ITGA9: variants seen among roughly 807,000 people sequenced by gnomAD.
ITGA9 encodes integrin subunit alpha 9, also known as integrin alpha-9.
In ITGA9, 56 loss-of-function variants were observed where a neutral mutation model predicts 127.8. That is an observed-to-expected ratio of 0.44 (90% CI 0.35 to 0.55). The LOEUF is 0.55. ITGA9 is among the 20% of genes least tolerant of loss of function. ITGA9 has a pLI of 0.00. For missense variants in ITGA9, 1,196 were observed against 1,347.1 expected, an observed-to-expected ratio of 0.89 and a Z score of 1.76; for synonymous variants, 508 against 514.5, an observed-to-expected ratio of 0.99 and a Z score of 0.17.
chr3:37,789,605 CA>C (rs71288090), intron 26 of ITGA9, among the ~76,000 whole-genome samples: 96 of 140,706 alleles, frequency 6.8e-4, no homozygotes, highest in South Asian at 9.0e-4. Context: ...TAAAAAATAC[CA>C]AAAAAAAAAA....
intron 16 of ITGA9, among the ~76,000 whole-genome samples, chr3:37,651,140 C>T (rs934180909): frequency 1.2e-4 from 19 of 152,184 alleles, no homozygotes; most frequent in Admixed American, 7.8e-4. Context: ...TATACACACA[C>T]GCACTGTGTG....
chr3:37,641,647 C>T (rs1050917991), intron 16 of ITGA9, among the ~76,000 whole-genome samples: 7 of 152,168 alleles, frequency 4.6e-5, no homozygotes, highest in Admixed American at 2.0e-4. Context: ...AACCTCCTCC[C>T]GCTGAGGAGC....
chr3:37,505,426 A>G (rs532567136), intron 6 of ITGA9, among the ~76,000 whole-genome samples: 4 of 152,360 alleles, frequency 2.6e-5, no homozygotes, highest in African/African-American at 7.2e-5. Flanking sequence ...ATATTACTCA[A>G]TAATAAAAAG....
chr3:37,636,704 G>A (rs1377249305), intron 16 of ITGA9, among the ~76,000 whole-genome samples: 4 of 152,132 alleles, frequency 2.6e-5, no homozygotes, highest in Non-Finnish European at 5.9e-5. Context: ...TGAAGTCCTT[G>A]CCCATGCCTA....
intron 6 of ITGA9, among the ~76,000 whole-genome samples, chr3:37,505,100 TACCC>T (rs1698827188): frequency 6.6e-6 from 1 of 150,588 alleles, no homozygotes; most frequent in Non-Finnish European, 1.5e-5. Context: ...ACCATGCATC[TACCC>T]ACCCACCCAC....
intron 9 of ITGA9, among the ~76,000 whole-genome samples, chr3:37,516,329 A>G (rs1002474520): frequency 6.6e-6 from 1 of 152,124 alleles, no homozygotes; most frequent in Non-Finnish European, 1.5e-5. Context: ...ACTTTGGAGC[A>G]AGGTGGACCT....
At chr3:37,583,393 T>G (rs1699728091) in intron 15 of ITGA9, among the ~76,000 whole-genome samples, 1 of 151,386 alleles carries the variant, frequency 6.6e-6, no homozygotes, top group South Asian at 2.1e-4. Context: ...CATTAGCTAT[T>G]ATTGCTATCA....
chr3:37,536,647 A>T (rs1236848373), intron 14 of ITGA9, among the ~76,000 whole-genome samples: 1 of 152,252 alleles, frequency 6.6e-6, no homozygotes, highest in Non-Finnish European at 1.5e-5. Context: ...GGGAGACCAC[A>T]GTGCCTACTT....
At chr3:37,670,847 G>A (rs1044687797) in intron 17 of ITGA9, among the ~76,000 whole-genome samples, 8 of 152,132 alleles carry the variant, frequency 5.3e-5, no homozygotes, top group African/African-American at 1.9e-4. Flanking sequence ...ATTTATGGCC[G>A]TATTTGGTTC....
At chr3:37,643,816 A>T (rs1454281313) in intron 16 of ITGA9, among the ~76,000 whole-genome samples, 1 of 152,092 alleles carries the variant, frequency 6.6e-6, no homozygotes, top group African/African-American at 2.4e-5. Flanking sequence ...TTGCAGATAG[A>T]TGGGGAGAAG....
rs192054200 is a variant in ITGA9, at chr3:37,638,289, C to T, written c.1839+8953C>T. 1.8e-4 allele frequency among the ~76,000 whole-genome samples: 27 copies of T among 151,836 alleles called. No individual in the cohort carries two copies. In the South Asian group the frequency reaches 2.1e-3, roughly 12 times the overall value. On this transcript the variant is annotated intron_variant, in intron 16 of 27. Coordinates refer to ENST00000264741, the MANE Select transcript of ITGA9 (RefSeq NM_002207.3). ...CCCTGGAGAGGAGGACTCAGTATGG[C>T]GAGGTATGTGGCAGGGGGTTATTAT...
chr3:37,784,060 G>T (rs368011505), intron 25 of ITGA9, among the ~76,000 whole-genome samples: 1 of 152,202 alleles, frequency 6.6e-6, no homozygotes, highest in African/African-American at 2.4e-5. Flanking sequence ...GTAGATGTAG[G>T]TGGGGACACC....
intron 12 of ITGA9, among the ~76,000 whole-genome samples, chr3:37,525,790 A>T (rs561349320): frequency 1.5e-4 from 23 of 152,232 alleles, no homozygotes; most frequent in Admixed American, 1.4e-3. Context: ...CACTCACAGC[A>T]CCTCTCGACT....
intron 9 of ITGA9, 24 bp from the exon 10 acceptor site, chr3:37,517,480 T>C: frequency 6.6e-7 from 1 of 1,517,356 alleles, no homozygotes; most frequent in Non-Finnish European, 9.0e-7. Context: ...TGTTTTCCAT[T>C]TTCTCCTCCA....
intron 17 of ITGA9, among the ~76,000 whole-genome samples, chr3:37,668,273 A>G (rs1453053482): frequency 1.3e-5 from 2 of 152,208 alleles, no homozygotes; most frequent in African/African-American, 4.8e-5. Context: ...CCACGTGCTC[A>G]TAGCGGCCTT....
intron 15 of ITGA9, among the ~76,000 whole-genome samples, chr3:37,544,791 A>G (rs943622071): frequency 1.3e-5 from 2 of 152,226 alleles, no homozygotes; most frequent in Non-Finnish European, 2.9e-5. Context: ...GCGGAGAAAT[A>G]CACCAGATAG....
intron 26 of ITGA9, among the ~76,000 whole-genome samples, chr3:37,795,569 C>T (rs972850026): frequency 3.3e-5 from 5 of 152,066 alleles, no homozygotes; most frequent in Admixed American, 3.3e-4. Context: ...CCTCAAAGGC[C>T]CCCTTGAGAC....
chr3:37,512,065 T>C lies in ITGA9; in HGVS notation c.898-1698T>C, dbSNP rs1170474662. Among the ~76,000 whole-genome samples, 180 of 70,090 alleles carry C rather than the reference T, an allele frequency of 2.6e-3. 5 individuals are homozygous for C. The highest frequency in any genetic ancestry group is 5.9e-3 in the African/African-American group (114 of 19,184). 46.0% of individuals were successfully genotyped at this position (70,090 alleles called of 152,430 possible). A position where few individuals can be genotyped will look rare whatever the true frequency, so the allele number is the denominator to read the frequency against. The stretch of plus-strand genomic sequence containing the variant: ...CTTTCTTTCTTTCTTTCTTTCTTTC[T>C]TTCTTTCTTTCCTTCCTTCCTTCCT... On this transcript the variant is annotated intron_variant, in intron 8 of 27. Transcript: ENST00000264741.
intron 18 of ITGA9, among the ~76,000 whole-genome samples, chr3:37,726,159 C>T (rs1053267206): frequency 6.6e-6 from 1 of 152,202 alleles, no homozygotes; most frequent in African/African-American, 2.4e-5. Context: ...GGATGAAGTG[C>T]TTCCAAAATT....
Sources: gnomAD v4.1 joint callset for allele counts (sites outside exome capture counted in the v4.1 genomes callset) on GRCh38, gnomAD v4.1.1 for gene constraint, MANE v1.5 for transcripts, NCBI Gene and HGNC (gene_info 2026-07-23, HGNC 2026-07-21) for gene names.